Variants in SEMA3D observed in about 807,000 individuals in gnomAD.
SEMA3D encodes semaphorin 3D.
SEMA3D carries 84 observed loss-of-function variants against 100.1 expected under a neutral mutation model. The observed-to-expected ratio is 0.84, with a 90% CI of 0.70 to 1.01. The LOEUF (loss-of-function observed/expected upper bound fraction) is 1.01, where lower values mean the gene tolerates loss of function less well. SEMA3D is among the 50% of genes least tolerant of loss of function. The pLI, the probability that SEMA3D is intolerant of heterozygous loss-of-function variation, is 0.00. For missense variants in SEMA3D, 875 were observed against 934.1 expected (o/e 0.94, Z 0.82); for synonymous variants, 312 against 320.7 (o/e 0.97, Z 0.29).
intron 2 of SEMA3D, chr7:85,143,220 T>C (rs934376818): frequency 1.3e-5 from 10 of 778,672 alleles, no homozygotes; most frequent in East Asian, 1.3e-4. Flanking sequence ...ATGTCTAACA[T>C]ATATGCACTA....
intron 2 of SEMA3D, chr7:85,141,547 G>C: frequency 4.1e-6 from 4 of 984,732 alleles, no homozygotes; most frequent in Non-Finnish European, 4.8e-6. Context: ...TCTTTCTAAG[G>C]ATAGTCTTAA....
intron 3 of SEMA3D, among the ~76,000 whole-genome samples, chr7:85,115,807 A>G (rs951206846): frequency 6.6e-6 from 1 of 152,136 alleles, no homozygotes; most frequent in African/African-American, 2.4e-5. Context: ...GGCAACTGTT[A>G]TCATATTTTT....
the SEMA3D span, among the ~76,000 whole-genome samples, chr7:85,201,468 A>C: frequency 1.3e-4 from 20 of 151,706 alleles, no homozygotes; most frequent in Non-Finnish European, 1.6e-4. Flanking sequence ...TTTAATCTTA[A>C]CCTCAGCTTG....
chr7:85,036,955 A>G lies in SEMA3D; in HGVS notation c.1125T>C (p.His375=). ...CCCAACGATGGTCTGCACTTTCCTT[A>G]TGAGCATATGGACCATTAAAAACTG... ...IRAVFNGPYA[H]KESADHRWVQ... is the part of the protein sequence containing the mutation. The change falls in exon 12 of 19, where the codon CAT becomes CAC. Residue 375 remains histidine (H), a synonymous_variant. Transcript: ENST00000284136. 3 of 1,613,544 alleles carry G rather than the reference A, an allele frequency of 1.9e-6. No homozygotes were observed. The highest frequency in any genetic ancestry group is 2.5e-6 in the Non-Finnish European group (3 of 1,179,610).
At chr7:85,247,576 G>C in the SEMA3D span, among the ~76,000 whole-genome samples, 5 of 152,084 alleles carry the variant, frequency 3.3e-5, no homozygotes, top group African/African-American at 1.2e-4. Context: ...AGGCATAAGA[G>C]CCAGAGTAAC....
intron 3 of SEMA3D, among the ~76,000 whole-genome samples, chr7:85,105,358 T>G (rs1451919861): frequency 6.6e-6 from 1 of 152,030 alleles, no homozygotes; most frequent in Non-Finnish European, 1.5e-5. Context: ...AGATTTAACA[T>G]TGGGAAAATT....
At chr7:85,187,113 C>T (rs1000807225), upstream of SEMA3D, among the ~76,000 whole-genome samples, 2 of 152,150 alleles carry the variant, frequency 1.3e-5, no homozygotes. Context: ...TCTCCTCCCC[C>T]AGCCCTCGCC....
the SEMA3D span, among the ~76,000 whole-genome samples, chr7:85,193,871 A>T: frequency 9.0e-6 from 1 of 110,866 alleles, no homozygotes. Flanking sequence ...AAACCATACT[A>T]AAGGAAAAAA....
rs928638306 is a variant in SEMA3D at position 84,997,729 on chromosome 7, T to C, written c.*1711A>G. 6.6e-6 allele frequency: 1 copy of C among 151,872 alleles called. No homozygotes were observed. The highest frequency in any genetic ancestry group is 2.1e-4 in the South Asian group (1 of 4,830). 9.4% of individuals were successfully genotyped at this position (151,872 alleles called of 1,614,324 possible). On this transcript the variant is annotated 3_prime_UTR_variant, in exon 19 of 19. Transcript: ENST00000284136. ...TCTCACAGACTTTTCTTTCAAGATATGTAGAATGCATGAGAAACGAGCAAT... is the reference window on the plus strand; with the variant it reads ...TCTCACAGACTTTTCTTTCAAGATACGTAGAATGCATGAGAAACGAGCAAT...
rs377567096 is a variant in SEMA3D at position 85,136,746 on chromosome 7, T to C, written c.-40-14815A>G. 3.3e-5 allele frequency among the ~76,000 whole-genome samples: 5 copies of C among 152,120 alleles called. 2 individuals carry two copies. Among genetic ancestry groups the C allele is most frequent in the Admixed American group, 2.0e-4 (3 of 15,222 alleles). On this transcript the variant is annotated intron_variant, in intron 2 of 18. Coordinates refer to ENST00000284136, the MANE Select transcript of SEMA3D (RefSeq NM_001384900.1). ...TACTATTTACAGATTTTTATTATCA[T>C]TTAACTTGAACAATTCAATTCTGAT...
the SEMA3D span, among the ~76,000 whole-genome samples, chr7:85,211,125 C>G: frequency 6.6e-6 from 1 of 152,052 alleles, no homozygotes; most frequent in Non-Finnish European, 1.5e-5. Context: ...AATTATCAAT[C>G]CTCTTTAACC....
chr7:85,148,638 C>T (rs149042014), intron 2 of SEMA3D, among the ~76,000 whole-genome samples: 55 of 152,254 alleles, frequency 3.6e-4, no homozygotes, highest in African/African-American at 1.2e-3. Flanking sequence ...AGGGTAGACT[C>T]ATGAGAAGAT....
Position 85,022,430 on chromosome 7 carries a change from C to T in SEMA3D, c.1375G>A (p.Ala459Thr). 6.2e-7 allele frequency: 1 copy of T among 1,612,318 alleles called. No homozygotes were observed. The highest frequency in any genetic ancestry group is 8.5e-7 in the Non-Finnish European group (1 of 1,178,778). Residue 459 changes from alanine to threonine, a missense_variant, in exon 13 of 19, where the codon GCA becomes ACA. Coordinates refer to ENST00000284136, the MANE Select transcript of SEMA3D (RefSeq NM_001384900.1). ...ATTACATCGTACTGGCCATCTTCTG[C>T]AATGACATGATCCACCACTATCTGT... The part of the protein sequence containing the change: ...LTQIVVDHVI[A>T]EDGQYDVMFL...
intron 8 of SEMA3D, among the ~76,000 whole-genome samples, chr7:85,063,047 T>C (rs1429186839): frequency 6.6e-6 from 1 of 152,196 alleles, no homozygotes. Flanking sequence ...ATCATGATGA[T>C]ATTGATGCTA....
intron 4 of SEMA3D, among the ~76,000 whole-genome samples, chr7:85,097,553 T>A (rs1303768093): frequency 6.6e-6 from 1 of 151,906 alleles, no homozygotes; most frequent in Non-Finnish European, 1.5e-5. Flanking sequence ...ACTAATTTTT[T>A]ATGTTTTCAT....
intron 2 of SEMA3D, among the ~76,000 whole-genome samples, chr7:85,137,296 A>C (rs1789895594): frequency 6.6e-6 from 1 of 151,976 alleles, no homozygotes; most frequent in South Asian, 2.1e-4. Flanking sequence ...TATATGACAT[A>C]GATATGACAT....
chr7:85,168,896 G>A (rs1791004858), intron 1 of SEMA3D, among the ~76,000 whole-genome samples: 1 of 149,868 alleles, frequency 6.7e-6, no homozygotes, highest in African/African-American at 2.4e-5. Context: ...GAAAGAAAAA[G>A]AGAAACAAGG....
intron 1 of SEMA3D, among the ~76,000 whole-genome samples, chr7:85,175,215 T>C (rs941483722): frequency 7.2e-5 from 11 of 152,198 alleles, no homozygotes; most frequent in African/African-American, 2.6e-4. Flanking sequence ...ACTATTAACT[T>C]CTGAAATATG....
At chr7:85,245,533 T>G in the SEMA3D span, among the ~76,000 whole-genome samples, 7 of 152,342 alleles carry the variant, frequency 4.6e-5, no homozygotes, top group African/African-American at 1.4e-4. Flanking sequence ...TTGTATTTAC[T>G]TCACATTAAA....
Sources: allele counts gnomAD v4.1 joint callset (sites outside exome capture counted in the v4.1 genomes callset), GRCh38; gene constraint gnomAD v4.1.1; transcripts MANE v1.5; gene names NCBI Gene and HGNC (gene_info 2026-07-23, HGNC 2026-07-21).